Variants in SLC35F1 observed in about 807,000 individuals in gnomAD.
The protein encoded by SLC35F1 is solute carrier family 35 member F1, also known as chromosome 6 open reading frame 169.
SLC35F1 carries 14 observed loss-of-function variants against 48.7 expected under a neutral mutation model. That is an observed-to-expected ratio of 0.29 (90% CI 0.19 to 0.45). The LOEUF is 0.45. Among genes scored for constraint, SLC35F1 ranks in the 20% least tolerant of loss-of-function variants. The pLI, the probability that SLC35F1 is intolerant of heterozygous loss-of-function variation, is 1.00. For synonymous variants in SLC35F1, 190 were observed against 202.2 expected (o/e 0.94, Z 0.51); for missense variants, 404 against 500.0 (o/e 0.81, Z 1.83).
At chr6:118,116,421 G>T (rs181800721) in intron 1 of SLC35F1, among the ~76,000 whole-genome samples, 1 of 152,320 alleles carries the variant, frequency 6.6e-6, no homozygotes, top group Non-Finnish European at 1.5e-5. Context: ...ATAAATGCAA[G>T]TGTGGTCAAC....
At chr6:118,254,055 G>A (rs1003114957) in intron 3 of SLC35F1, among the ~76,000 whole-genome samples, 11 of 151,810 alleles carry the variant, frequency 7.2e-5, no homozygotes, top group African/African-American at 2.2e-4. Flanking sequence ...GAGAGGGGAC[G>A]GCTCCAAAGA....
intron 1 of SLC35F1, among the ~76,000 whole-genome samples, chr6:118,137,115 A>G (rs1442136733): frequency 6.6e-6 from 1 of 152,122 alleles, no homozygotes; most frequent in Non-Finnish European, 1.5e-5. Context: ...CTCCTCATTC[A>G]TCTTTTATCA....
intron 1 of SLC35F1, among the ~76,000 whole-genome samples, chr6:117,923,675 G>GTATATA (rs1775950868): frequency 5.5e-5 from 2 of 36,304 alleles, no homozygotes; most frequent in Non-Finnish European, 1.0e-4. Flanking sequence ...ATACATATAT[G>GTATATA]TACATATATA....
At chr6:118,020,361 G>A (rs759492471) in intron 1 of SLC35F1, among the ~76,000 whole-genome samples, 5 of 152,128 alleles carry the variant, frequency 3.3e-5, no homozygotes, top group Non-Finnish European at 4.4e-5. Context: ...GCTGAACACC[G>A]ATCACACTGT....
At chr6:118,105,672 A>G (rs1034638279) in intron 1 of SLC35F1, among the ~76,000 whole-genome samples, 6 of 152,016 alleles carry the variant, frequency 3.9e-5, no homozygotes, top group Non-Finnish European at 7.4e-5. Flanking sequence ...ATTTCCTTCC[A>G]TCTCTGTATT....
chr6:117,923,579 G>A (rs1275977854), intron 1 of SLC35F1, among the ~76,000 whole-genome samples: 2 of 87,034 alleles, frequency 2.3e-5, no homozygotes, highest in East Asian at 3.3e-4. Flanking sequence ...ATACATATGT[G>A]TGTGTATATA....
intron 1 of SLC35F1, among the ~76,000 whole-genome samples, chr6:117,928,779 A>G (rs1419405797): frequency 1.3e-5 from 2 of 152,132 alleles, no homozygotes; most frequent in South Asian, 4.1e-4. Flanking sequence ...GCTTGCTTCA[A>G]TGAGCTGTAC....
chr6:117,919,138 T>G (rs976864372), intron 1 of SLC35F1, among the ~76,000 whole-genome samples: 33 of 152,106 alleles, frequency 2.2e-4, no homozygotes, highest in Non-Finnish European at 4.1e-4. Context: ...TCACGTGATG[T>G]TCCCACCTTG....
intron 3 of SLC35F1, among the ~76,000 whole-genome samples, chr6:118,243,368 C>T (rs1321707069): frequency 2.0e-5 from 3 of 152,190 alleles, no homozygotes; most frequent in Non-Finnish European, 4.4e-5. Flanking sequence ...AATCCCAGCA[C>T]TTTGCGAGGC....
chr6:117,986,620 T>A (rs1225227399), intron 1 of SLC35F1, among the ~76,000 whole-genome samples: 2 of 152,206 alleles, frequency 1.3e-5, no homozygotes, highest in African/African-American at 4.8e-5. Flanking sequence ...GAGGGCCCTT[T>A]GCCTCTGCCT....
intron 1 of SLC35F1, among the ~76,000 whole-genome samples, chr6:117,939,425 C>T (rs1396566186): frequency 1.3e-5 from 2 of 152,194 alleles, no homozygotes; most frequent in South Asian, 2.1e-4. Flanking sequence ...TTATTTTCCT[C>T]GGGTTCTTGC....
intron 1 of SLC35F1, among the ~76,000 whole-genome samples, chr6:117,935,721 C>CA (rs941837430): frequency 2.6e-4 from 40 of 152,060 alleles, no homozygotes; most frequent in Admixed American, 2.5e-3. Context: ...AAAATGACCG[C>CA]AAAAAGACAC....
chr6:117,972,187 T>C (rs1402433141), intron 1 of SLC35F1, among the ~76,000 whole-genome samples: 1 of 152,208 alleles, frequency 6.6e-6, no homozygotes, highest in East Asian at 1.9e-4. Flanking sequence ...CCAGTCTCTT[T>C]GCATTGCAAG....
intron 1 of SLC35F1, among the ~76,000 whole-genome samples, chr6:118,150,478 G>A (rs1055951168): frequency 3.3e-5 from 5 of 152,114 alleles, no homozygotes; most frequent in Non-Finnish European, 2.9e-5. Context: ...TATTTGTGGT[G>A]TGATTTTGTT....
chr6:118,295,734 T>A (rs1776175544), intron 7 of SLC35F1, among the ~76,000 whole-genome samples: 1 of 152,200 alleles, frequency 6.6e-6, no homozygotes, highest in Admixed American at 6.6e-5. Flanking sequence ...GCTATGGATG[T>A]TAAGCTTATA....
At chr6:118,107,031 T>C (rs1773335825) in intron 1 of SLC35F1, among the ~76,000 whole-genome samples, 1 of 152,218 alleles carries the variant, frequency 6.6e-6, no homozygotes, top group African/African-American at 2.4e-5. Flanking sequence ...GAAACTAATG[T>C]TATTTGCTTA....
intron 4 of SLC35F1, among the ~76,000 whole-genome samples, chr6:118,273,054 C>A (rs1047776392): frequency 6.7e-6 from 1 of 149,340 alleles, no homozygotes; most frequent in Admixed American, 6.6e-5. Flanking sequence ...TAATTATCAG[C>A]AAATTATAAT....
chr6:118,310,340 G>A (rs1776358572), intron 7 of SLC35F1, among the ~76,000 whole-genome samples: 2 of 152,096 alleles, frequency 1.3e-5, no homozygotes, highest in African/African-American at 2.4e-5. Flanking sequence ...GTATTTCTTT[G>A]CAGTTAGTAA....
rs1363187081 is a variant in SLC35F1 at position 118,247,760 on chromosome 6, G to A, written c.477+12124G>A. ...GGACAAATTGCCTGGCATATTTGGTGGATAAGGTTGGATAGGCAAATATAT... is the reference window on the plus strand; with the variant it reads ...GGACAAATTGCCTGGCATATTTGGTAGATAAGGTTGGATAGGCAAATATAT... On this transcript the variant is annotated intron_variant, in intron 3 of 7. Coordinates refer to ENST00000360388, the MANE Select transcript of SLC35F1 (RefSeq NM_001029858.4). Among the ~76,000 whole-genome samples, 4 of 147,976 alleles carry A rather than the reference G, an allele frequency of 2.7e-5. No homozygotes were observed. The East Asian group carries it at 7.7e-4, about 29-fold the overall frequency.
Sources: gnomAD v4.1 joint callset for allele counts (sites outside exome capture counted in the v4.1 genomes callset) on GRCh38, gnomAD v4.1.1 for gene constraint, MANE v1.5 for transcripts, NCBI Gene and HGNC (gene_info 2026-07-23, HGNC 2026-07-21) for gene names.